CDH18: variants seen among roughly 807,000 people sequenced by gnomAD.
The protein encoded by CDH18 is cadherin-18.
CDH18 carries 31 observed loss-of-function variants against 67.9 expected under a neutral mutation model. The observed-to-expected ratio is 0.46, with a 90% CI of 0.34 to 0.62. CDH18 has a LOEUF of 0.62. Among genes scored for constraint, CDH18 ranks in the 20% least tolerant of loss-of-function variants. The probability of loss-of-function intolerance (pLI) is 0.01; values close to 1 mark genes in which losing one functional copy is unlikely to be tolerated. For missense variants in CDH18, 890 were observed against 975.5 expected, an observed-to-expected ratio of 0.91 and a Z score of 1.17; for synonymous variants, 362 against 347.2, an observed-to-expected ratio of 1.04 and a Z score of -0.48.
At chr5:20,512,522 C>A (rs2126489639) in intron 1 of CDH18, among the ~76,000 whole-genome samples, 1 of 152,040 alleles carries the variant, frequency 6.6e-6, no homozygotes, top group East Asian at 1.9e-4. Flanking sequence ...GCTGTATTTC[C>A]AATCATCTTT....
intron 4 of CDH18, among the ~76,000 whole-genome samples, chr5:19,742,411 C>T (rs894727020): frequency 6.6e-5 from 10 of 151,604 alleles, no homozygotes; most frequent in Admixed American, 2.0e-4. Flanking sequence ...CATGGGTACA[C>T]ACACACACAC....
At chr5:20,250,134 A>T (rs1318617098) in intron 2 of CDH18, among the ~76,000 whole-genome samples, 1 of 152,226 alleles carries the variant, frequency 6.6e-6, no homozygotes, top group African/African-American at 2.4e-5. Context: ...CGTGAGATTT[A>T]ATGTAAAGTC....
At chr5:20,307,686 G>A (rs1456885745) in intron 1 of CDH18, among the ~76,000 whole-genome samples, 3 of 152,048 alleles carry the variant, frequency 2.0e-5, no homozygotes, top group Non-Finnish European at 4.4e-5. Flanking sequence ...CATTTCCCTT[G>A]ATATTTATTT....
At chr5:19,763,845 G>T (rs1040287987) in intron 3 of CDH18, among the ~76,000 whole-genome samples, 1 of 151,688 alleles carries the variant, frequency 6.6e-6, no homozygotes, top group Non-Finnish European at 1.5e-5. Flanking sequence ...GTCCTGGAAC[G>T]AAGTAAAAAT....
rs376874883 is a variant in CDH18 at position 20,038,441 on chromosome 5, C to T, written c.-517-46427G>A. On this transcript the variant is annotated intron_variant, in intron 2 of 14. Coordinates refer to the CDH18 transcript ENST00000507958. Reference sequence around the variant, plus strand: ...AATATCCCTGCATCAATGCAAAAATCCTCAATAAAATACTGACAACCCAAA... The same window carrying T: ...AATATCCCTGCATCAATGCAAAAATTCTCAATAAAATACTGACAACCCAAA... 7.2e-5 allele frequency among the ~76,000 whole-genome samples: 11 copies of T among 152,170 alleles called. No homozygotes were observed. The East Asian group carries it at 1.2e-3, about 16-fold the overall frequency.
intron 1 of CDH18, among the ~76,000 whole-genome samples, chr5:20,462,049 C>T (rs963932700): frequency 6.6e-6 from 1 of 152,120 alleles, no homozygotes; most frequent in African/African-American, 2.4e-5. Flanking sequence ...ATTAGCCTAT[C>T]AAAGGGATAT....
intron 8 of CDH18, among the ~76,000 whole-genome samples, chr5:19,546,209 G>A (rs1013365843): frequency 4.6e-5 from 7 of 152,122 alleles, no homozygotes; most frequent in African/African-American, 1.7e-4. Flanking sequence ...CAAAGGACTG[G>A]AGATTTATTA....
intron 2 of CDH18, among the ~76,000 whole-genome samples, chr5:19,976,604 T>C (rs1798530135): frequency 6.6e-6 from 1 of 152,060 alleles, no homozygotes; most frequent in Non-Finnish European, 1.5e-5. Context: ...AGATGGTCTC[T>C]GAAAAAAGAG....
chr5:19,596,447 A>G (rs982546096), intron 6 of CDH18, among the ~76,000 whole-genome samples: 5 of 152,230 alleles, frequency 3.3e-5, no homozygotes, highest in African/African-American at 1.2e-4. Context: ...TGTGGTCTCC[A>G]AGGTCCAACT....
intron 3 of CDH18, among the ~76,000 whole-genome samples, chr5:19,810,345 A>T (rs1178208450): frequency 7.9e-6 from 1 of 126,472 alleles, no homozygotes; most frequent in Non-Finnish European, 1.8e-5. Context: ...AAAATAAAAT[A>T]AAAATAAAAT....
At chr5:19,537,340 A>G (rs897910709) in intron 9 of CDH18, among the ~76,000 whole-genome samples, 2 of 152,154 alleles carry the variant, frequency 1.3e-5, no homozygotes, top group African/African-American at 4.8e-5. Flanking sequence ...ATGTGAGCCA[A>G]TTTTTTATAA....
At chr5:19,529,526 AATTTATTATCTATGAAG>A (rs1301657277) in intron 9 of CDH18, among the ~76,000 whole-genome samples, 43 of 152,136 alleles carry the variant, frequency 2.8e-4, no homozygotes, top group Non-Finnish European at 5.3e-4. Context: ...AAAATAAACA[AATTTATTATCTATGAAG>A]ATTTATTATC....
At chr5:19,799,677 A>T (rs1327687290) in intron 3 of CDH18, among the ~76,000 whole-genome samples, 1 of 152,028 alleles carries the variant, frequency 6.6e-6, no homozygotes, top group African/African-American at 2.4e-5. Context: ...TCAGAGGATT[A>T]TTTTTTTCCT....
intron 3 of CDH18, among the ~76,000 whole-genome samples, chr5:19,811,374 T>C (rs959717255): frequency 6.6e-6 from 1 of 152,026 alleles, no homozygotes; most frequent in Non-Finnish European, 1.5e-5. Flanking sequence ...GATGTTCTTA[T>C]AAAATGGAGG....
At chr5:20,333,486 AC>A (rs372887614) in intron 1 of CDH18, among the ~76,000 whole-genome samples, 1,562 of 144,470 alleles carry the variant, frequency 0.011, 33 homozygotes, top group African/African-American at 0.037. Flanking sequence ...CAGCCTGGTG[AC>A]AGAGCAAGAC....
chr5:20,056,464 A>ATTTTTTTTTTTTT (rs1561753965), intron 2 of CDH18, among the ~76,000 whole-genome samples: 1 of 22,072 alleles, frequency 4.5e-5, no homozygotes, highest in African/African-American at 1.9e-4. Context: ...ATTTTTCTTT[A>ATTTTTTTTTTTTT]TTTTCTTTCT....
At chr5:20,566,500 C>G (rs917467281) in intron 1 of CDH18, among the ~76,000 whole-genome samples, 2 of 148,208 alleles carry the variant, frequency 1.3e-5, no homozygotes, top group Admixed American at 1.4e-4. Context: ...GCTGGGAATA[C>G]AGGTTCGCGC....
At chr5:20,532,191 T>C (rs1756445614) in intron 1 of CDH18, among the ~76,000 whole-genome samples, 2 of 152,108 alleles carry the variant, frequency 1.3e-5, no homozygotes, top group South Asian at 4.1e-4. Flanking sequence ...CAGAATAGTC[T>C]ACACAAAATG....
chr5:20,111,327 C>T (rs752169489), intron 2 of CDH18, among the ~76,000 whole-genome samples: 1 of 152,074 alleles, frequency 6.6e-6, no homozygotes. Context: ...TAGGGAGACA[C>T]ATCCAATGAT....
Sources: gnomAD v4.1 joint callset for allele counts (sites outside exome capture counted in the v4.1 genomes callset) on GRCh38, gnomAD v4.1.1 for gene constraint, MANE v1.5 for transcripts, NCBI Gene and HGNC (gene_info 2026-07-23, HGNC 2026-07-21) for gene names.